The following SHISA9 variants were observed in gnomAD, a reference collection of about 807,000 sequenced individuals.
The protein encoded by SHISA9 is protein shisa-9.
A neutral mutation model predicts 38.0 loss-of-function variants in SHISA9; 13 were observed. The ratio of observed to expected loss-of-function variants is 0.34; its 90% CI spans 0.22 to 0.54. SHISA9 has a LOEUF of 0.54. SHISA9 is among the 20% of genes least tolerant of loss of function. The pLI is 0.91. For missense variants in SHISA9, 538 were observed against 575.8 expected (o/e 0.93, Z 0.67); for synonymous variants, 275 against 242.0 (o/e 1.14, Z -1.27).
At chr16:13,490,999 C>T in the SHISA9 span, among the ~76,000 whole-genome samples, 1 of 152,140 alleles carries the variant, frequency 6.6e-6, no homozygotes, top group African/African-American at 2.4e-5. Flanking sequence ...TATTGAAGTT[C>T]AGGTTCAACT....
intron 4 of SHISA9, among the ~76,000 whole-genome samples, chr16:13,222,328 T>TC (rs1259210025): frequency 1.3e-5 from 2 of 152,142 alleles, no homozygotes; most frequent in African/African-American, 4.8e-5. Flanking sequence ...GAGTGGTCAC[T>TC]CCAGGACCCA....
At chr16:13,366,915 G>A in the SHISA9 span, among the ~76,000 whole-genome samples, 1 of 150,462 alleles carries the variant, frequency 6.6e-6, no homozygotes, top group Non-Finnish European at 1.5e-5. Flanking sequence ...CCCGGGAGGT[G>A]GAGGTTGCAG....
the SHISA9 span, among the ~76,000 whole-genome samples, chr16:13,507,069 G>GTA: frequency 2.5e-3 from 376 of 148,738 alleles, no homozygotes; most frequent in East Asian, 0.025. Context: ...CAACCACCAT[G>GTA]TATATATATA....
chr16:13,304,885 C>G, the SHISA9 span, among the ~76,000 whole-genome samples: 3 of 152,128 alleles, frequency 2.0e-5, no homozygotes, highest in African/African-American at 2.4e-5. Flanking sequence ...GGGCATATAG[C>G]ACAAAGAACT....
intron 2 of SHISA9, among the ~76,000 whole-genome samples, chr16:13,129,504 A>G (rs1479944635): frequency 6.6e-6 from 1 of 152,164 alleles, no homozygotes; most frequent in Non-Finnish European, 1.5e-5. Context: ...TCTACATTCC[A>G]TTGGCCAGAA....
At chr16:13,071,796 C>T (rs537720556) in intron 2 of SHISA9, among the ~76,000 whole-genome samples, 103 of 152,106 alleles carry the variant, frequency 6.8e-4, no homozygotes, top group African/African-American at 2.4e-3. Flanking sequence ...CACCACCATG[C>T]CCGGCTTTTA....
At chr16:13,092,613 TG>T (rs1220135763) in intron 2 of SHISA9, among the ~76,000 whole-genome samples, 1 of 152,258 alleles carries the variant, frequency 6.6e-6, no homozygotes, top group African/African-American at 2.4e-5. Context: ...TCCATGGGCA[TG>T]GGACCTGCCA....
At chr16:13,119,149 G>A (rs577869021) in intron 2 of SHISA9, among the ~76,000 whole-genome samples, 1 of 152,182 alleles carries the variant, frequency 6.6e-6, no homozygotes, top group Non-Finnish European at 1.5e-5. Context: ...TTACAGGCGT[G>A]AGCCACCGCG....
chr16:13,368,193 A>T, the SHISA9 span, among the ~76,000 whole-genome samples: 4 of 152,168 alleles, frequency 2.6e-5, no homozygotes, highest in African/African-American at 9.7e-5. Flanking sequence ...GGAGAGGCTG[A>T]GTAGGTGAAA....
the SHISA9 span, among the ~76,000 whole-genome samples, chr16:13,345,520 A>C: frequency 6.6e-6 from 1 of 152,116 alleles, no homozygotes; most frequent in Admixed American, 6.6e-5. Context: ...ATGGGCATTT[A>C]GGTTGATTTT....
At chr16:13,360,203 A>G in the SHISA9 span, among the ~76,000 whole-genome samples, 1 of 152,202 alleles carries the variant, frequency 6.6e-6, no homozygotes, top group Non-Finnish European at 1.5e-5. Flanking sequence ...GAGTTAGTGC[A>G]AGACCACTCA....
intron 2 of SHISA9, among the ~76,000 whole-genome samples, chr16:13,028,130 C>T (rs980007363): frequency 2.6e-5 from 4 of 151,842 alleles, no homozygotes; most frequent in Admixed American, 6.6e-5. Flanking sequence ...TCTTGATTGT[C>T]ATGGTGGTCT....
At chr16:13,041,279 C>A (rs1030683577) in intron 2 of SHISA9, among the ~76,000 whole-genome samples, 3 of 152,190 alleles carry the variant, frequency 2.0e-5, no homozygotes, top group African/African-American at 7.2e-5. Flanking sequence ...ACTTGAACAA[C>A]CTGATCTCTC....
At chr16:12,969,651 G>A (rs910082096) in intron 2 of SHISA9, among the ~76,000 whole-genome samples, 1 of 152,140 alleles carries the variant, frequency 6.6e-6, no homozygotes, top group African/African-American at 2.4e-5. Flanking sequence ...GGAGGCTGAG[G>A]CGGGAGAATT....
At chr16:13,181,361 A>G (rs1298002778) in intron 2 of SHISA9, among the ~76,000 whole-genome samples, 2 of 147,150 alleles carry the variant, frequency 1.4e-5, no homozygotes, top group African/African-American at 5.0e-5. Flanking sequence ...CAAAAAGATG[A>G]ATGGGAAATC....
intron 2 of SHISA9, among the ~76,000 whole-genome samples, chr16:13,003,874 T>TAAGAAG (rs1192313594): frequency 2.3e-5 from 3 of 129,556 alleles, no homozygotes; most frequent in African/African-American, 3.6e-5. Context: ...ATAATAATAA[T>TAAGAAG]AATAATAATA....
the SHISA9 span, chr16:13,332,069 G>T: frequency 6.6e-6 from 1 of 152,004 alleles, no homozygotes; most frequent in Non-Finnish European, 1.5e-5. Flanking sequence ...ACTTGAGATA[G>T]ATCTCAAGCA....
the SHISA9 span, among the ~76,000 whole-genome samples, chr16:13,505,859 A>G: frequency 7.8e-4 from 119 of 152,320 alleles, no homozygotes; most frequent in Non-Finnish European, 1.3e-3. Context: ...GTCTTTGGGC[A>G]GGGAGGTGTT....
At chr16:12,991,538 C>G (rs907087106) in intron 2 of SHISA9, among the ~76,000 whole-genome samples, 1 of 152,120 alleles carries the variant, frequency 6.6e-6, no homozygotes, top group South Asian at 2.1e-4. Flanking sequence ...AAACAGAGAA[C>G]TAAGAAGTTC....
Sources: allele counts gnomAD v4.1 joint callset (sites outside exome capture counted in the v4.1 genomes callset), GRCh38; gene constraint gnomAD v4.1.1; transcripts MANE v1.5; gene names NCBI Gene and HGNC (gene_info 2026-07-23, HGNC 2026-07-21).